Variants in TRPM2 observed in about 807,000 individuals in gnomAD.
TRPM2 encodes the protein transient receptor potential cation channel subfamily M member 2, also known as estrogen-responsive element-associated gene 1 protein.
Under a neutral mutation model 174.0 loss-of-function variants are expected in TRPM2, and 161 were observed. The ratio of observed to expected loss-of-function variants is 0.93; its 90% CI spans 0.81 to 1.05. The LOEUF (loss-of-function observed/expected upper bound fraction) is 1.05, where lower values mean the gene tolerates loss of function less well. Among genes scored for constraint, TRPM2 ranks in the 50% least tolerant of loss-of-function variants. The pLI is 0.00. For missense variants in TRPM2, 2,057 were observed against 2,038.0 expected (o/e 1.01, Z -0.18); for synonymous variants, 954 against 861.3 (o/e 1.11, Z -1.88).
chr21:44,353,965 G>A, intron 1 of TRPM2, 100 bp downstream of exon 1: 1 of 1,433,120 alleles, frequency 7.0e-7, no homozygotes, highest in Non-Finnish European at 9.3e-7. Context: ...GTGGGAAAGG[G>A]TCTGCTGACC....
chr21:44,377,708 C>T lies in TRPM2; in HGVS notation c.953-4C>T, dbSNP rs764074566. On this transcript the variant is annotated splice_region_variant and splice_polypyrimidine_tract_variant and intron_variant, in intron 6 of 31. Coordinates refer to ENST00000397928, the MANE Select transcript of TRPM2 (RefSeq NM_003307.4). ...GCCCTCACTCGGCTGTGTGCTTTTTCTAGGTGTGGCCATCAAGATCCCCAT... is the reference window on the plus strand; with the variant it reads ...GCCCTCACTCGGCTGTGTGCTTTTTTTAGGTGTGGCCATCAAGATCCCCAT... The T allele has an allele frequency of 1.9e-6, 3 of 1,614,046 alleles. No homozygotes were observed. The highest frequency in any genetic ancestry group is 2.5e-6 in the Non-Finnish European group (3 of 1,180,012).
At chr21:44,361,199 G>A (rs1318051231) in intron 2 of TRPM2, among the ~76,000 whole-genome samples, 3 of 152,142 alleles carry the variant, frequency 2.0e-5, no homozygotes, top group East Asian at 3.9e-4. Context: ...GCAATGGCAC[G>A]ATCTCAGCTT....
chr21:44,391,379 G>A lies in TRPM2; in HGVS notation c.1548G>A (p.Trp516Ter). The A allele has an allele frequency of 6.2e-7, 1 of 1,614,144 alleles. No homozygotes were observed. Among genetic ancestry groups the A allele is most frequent in the Admixed American group, 1.7e-5 (1 of 60,030 alleles). Residue 516 changes from tryptophan to a stop codon, truncating the protein, a stop_gained, in exon 11 of 32, where the codon TGG becomes TGA. Coordinates refer to ENST00000397928, the MANE Select transcript of TRPM2 (RefSeq NM_003307.4). LOFTEE classifies it high-confidence loss of function. This position sits in a 1 kb window ranked among gnomAD's most constrained non-coding sequence, Gnocchi z 5.0. Reference protein sequence around the residue: ...NGVQLKEFVTWDTLLYLYENL... With the variant: ...NGVQLKEFVT ...TGCAGCTGAAGGAGTTTGTCACCTGGGACACCTTGCTCTACCTGTACGAGA... is the reference window on the plus strand; with the variant it reads ...TGCAGCTGAAGGAGTTTGTCACCTGAGACACCTTGCTCTACCTGTACGAGA...
chr21:44,368,961 G>C lies in TRPM2; in HGVS notation c.605-216G>C, dbSNP rs185798312. On this transcript the variant is annotated intron_variant, in intron 4 of 31. Transcript: ENST00000397928. ...GGGCCTGAGGAGGCGGCAGGGACCG[G>C]GAGAGGGGCGGGGCCTGCTCCTGTT... Among the ~76,000 whole-genome samples the C allele has an allele frequency of 1.3e-3, 194 of 152,310 alleles. 2 individuals carry two copies. The highest frequency in any genetic ancestry group is 4.4e-3 in the African/African-American group (184 of 41,566).
At chr21:44,388,788 T>A (rs2049088593) in intron 9 of TRPM2, among the ~76,000 whole-genome samples, 1 of 152,048 alleles carries the variant, frequency 6.6e-6, no homozygotes, top group Admixed American at 6.5e-5. Context: ...ATAAATATGA[T>A]CACAGCACTG....
At position 44,414,051 on chromosome 21, in the gene TRPM2, C is replaced by T. The variant is rs781653765; in HGVS notation, c.3123C>T (p.Leu1041=). The part of the protein sequence containing the change: ...LYLLFTNILL[L]NLLIAMFNYT... ...TGCTCTTCACCAACATCCTGCTGCT[C>T]AACCTCCTCATCGCCATGTTCAAGT... The change falls in exon 20 of 32, where the codon CTC becomes CTT. Residue 1041 remains leucine (L), a synonymous_variant. Coordinates refer to ENST00000397928, the MANE Select transcript of TRPM2 (RefSeq NM_003307.4). 5 of 1,611,724 alleles carry T rather than the reference C, an allele frequency of 3.1e-6. No individual in the cohort carries two copies. Among genetic ancestry groups the T allele is most frequent in the Non-Finnish European group, 4.2e-6 (5 of 1,179,298 alleles).
intron 12 of TRPM2, among the ~76,000 whole-genome samples, chr21:44,395,811 A>C (rs376254393): frequency 1.3e-3 from 1 of 762 alleles, no homozygotes; most frequent in South Asian, 0.071. Flanking sequence ...CTGTGGAGGG[A>C]TGTGGAGGCT....
Position 44,406,032 on chromosome 21 carries a change from C to T in TRPM2, c.2785C>T (p.Arg929Trp), listed in dbSNP as rs1408663909. ...GGGGCCCAAGATCATCATTGTGAAG[C>T]GGATGGTAAGGGGGCGGGGGCACCG... is the stretch of plus-strand genomic sequence containing the variant. Reference protein sequence around the residue: ...TLGPKIIIVKRMMKDVFFFLF... With the variant: ...TLGPKIIIVKWMMKDVFFFLF... The change falls in exon 18 of 32, where the codon CGG (arginine) becomes TGG (tryptophan). Residue 929 changes from arginine (R) to tryptophan (W), a missense_variant. Coordinates refer to ENST00000397928, the MANE Select transcript of TRPM2 (RefSeq NM_003307.4). The T allele has an allele frequency of 1.8e-5, 29 of 1,606,030 alleles. No homozygotes were observed. The highest frequency in any genetic ancestry group is 6.7e-5 in the East Asian group (3 of 44,882).
intron 28 of TRPM2, among the ~76,000 whole-genome samples, chr21:44,436,473 A>G (rs45577735): frequency 0.057 from 8,619 of 151,054 alleles, 538 homozygotes; most frequent in African/African-American, 0.15. Flanking sequence ...TGGCCTGCCC[A>G]GGTGGCACTC....
intron 4 of TRPM2, among the ~76,000 whole-genome samples, chr21:44,368,460 C>G (rs906639142): frequency 6.8e-6 from 1 of 147,808 alleles, no homozygotes; most frequent in African/African-American, 2.5e-5. Context: ...GAGTCTTGCT[C>G]TGTCACCCAG....
intron 22 of TRPM2, among the ~76,000 whole-genome samples, chr21:44,422,014 A>G (rs530262037): frequency 5.3e-5 from 8 of 152,320 alleles, no homozygotes; most frequent in Non-Finnish European, 1.2e-4. Flanking sequence ...TGTCACTCCC[A>G]TTGGTCAGCA....
chr21:44,391,531 A>G lies in TRPM2; in HGVS notation c.1700A>G (p.Glu567Gly). 6.2e-7 allele frequency: 1 copy of G among 1,605,930 alleles called. No individual in the cohort carries two copies. The highest frequency in any genetic ancestry group is 8.5e-7 in the Non-Finnish European group (1 of 1,178,826). The change falls in exon 11 of 32, where the codon GAG becomes GGG. Residue 567 changes from glutamate to glycine, a missense_variant. Transcript: ENST00000397928. The surrounding 1 kb of genome is among the most constrained non-coding windows in gnomAD (Gnocchi z 5.0). The part of the protein sequence containing the change: ...QMHHVAQVLR[E>G]LLGDFTQPLY... ...CACCACGTGGCCCAGGTGCTGCGGG[A>G]GCTGCTGGGGGACTTCACGCAGCCG... is the stretch of plus-strand genomic sequence containing the variant.
intron 9 of TRPM2, among the ~76,000 whole-genome samples, chr21:44,388,309 G>A (rs2049070631): frequency 6.6e-6 from 1 of 152,126 alleles, no homozygotes; most frequent in Non-Finnish European, 1.5e-5. Context: ...AGTCACAAAA[G>A]GACAAATACT....
At position 44,366,637 on chromosome 21, in the gene TRPM2, C is replaced by T. The variant is rs868817554; in HGVS notation, c.424-117C>T. On this transcript the variant is annotated intron_variant, in intron 3 of 31. Transcript: ENST00000397928. The surrounding 1 kb of genome is among the most constrained non-coding windows in gnomAD (Gnocchi z 6.0). The stretch of plus-strand genomic sequence containing the variant: ...GGGGACCCCTTTTCTGGGTCTGAGC[C>T]GGAAAGGTGTGCGGTGTCTGCCGCC... 132 of 1,392,874 alleles carry T rather than the reference C, an allele frequency of 9.5e-5. No individual in the cohort carries two copies. In the African/African-American group the frequency reaches 1.1e-3, roughly 12 times the overall value. The allele number at this position is 1,392,874 out of a possible 1,614,324, so 86.3% of individuals were successfully genotyped here. A position where few individuals can be genotyped will look rare whatever the true frequency, so the allele number is the denominator to read the frequency against.
chr21:44,372,461 C>G (rs2048569404), intron 5 of TRPM2, among the ~76,000 whole-genome samples: 1 of 152,254 alleles, frequency 6.6e-6, no homozygotes, highest in Non-Finnish European at 1.5e-5. Context: ...TGCCACTGCA[C>G]TCCAGCCCAG....
chr21:44,372,741 A>G (rs2048576164), intron 5 of TRPM2, among the ~76,000 whole-genome samples: 1 of 152,184 alleles, frequency 6.6e-6, no homozygotes, highest in Non-Finnish European at 1.5e-5. Context: ...CGAAGGCATC[A>G]CCAGCCCCAG....
At chr21:44,425,512 C>T (rs2050730347) in intron 24 of TRPM2, 158 bp from the exon 25 acceptor site, 1 of 903,230 alleles carries the variant, frequency 1.1e-6, no homozygotes, top group East Asian at 3.0e-5. Flanking sequence ...GCCCTGCCCA[C>T]TTCAGAGCTG....
chr21:44,380,759 G>C (rs1200732251), intron 8 of TRPM2, among the ~76,000 whole-genome samples: 1 of 152,214 alleles, frequency 6.6e-6, no homozygotes, highest in Non-Finnish European at 1.5e-5. Context: ...GGACCTCCCT[G>C]CAGGGGCTCA....
At chr21:44,393,745 T>C (rs1417507669) in intron 11 of TRPM2, among the ~76,000 whole-genome samples, 1 of 151,292 alleles carries the variant, frequency 6.6e-6, no homozygotes. Context: ...TCTCTATCTC[T>C]TCTAAGATCA....
Sources: allele counts gnomAD v4.1 joint callset (sites outside exome capture counted in the v4.1 genomes callset), GRCh38; gene constraint gnomAD v4.1.1; non-coding constraint Gnocchi (gnomAD v3.1); transcripts MANE v1.5; gene names NCBI Gene and HGNC (gene_info 2026-07-23, HGNC 2026-07-21).